Variants in RBFOX3 observed in about 807,000 individuals in gnomAD.
The protein encoded by RBFOX3 is RNA binding fox-1 homolog 3, also known as RNA binding protein fox-1 homolog 3.
In RBFOX3, 17 loss-of-function variants were observed where a neutral mutation model predicts 48.7. The ratio of observed to expected loss-of-function variants is 0.35; its 90% CI spans 0.24 to 0.52. The LOEUF (loss-of-function observed/expected upper bound fraction) is 0.52, where lower values mean the gene tolerates loss of function less well. Among genes scored for constraint, RBFOX3 ranks in the 20% least tolerant of loss-of-function variants. RBFOX3 has a pLI of 0.94. For missense variants in RBFOX3, 382 were observed against 497.5 expected (o/e 0.77, Z 2.21); for synonymous variants, 212 against 209.5 (o/e 1.01, Z -0.10).
At chr17:79,353,122 T>C (rs1352435228) in intron 2 of RBFOX3, among the ~76,000 whole-genome samples, 2 of 152,248 alleles carry the variant, frequency 1.3e-5, no homozygotes, top group Non-Finnish European at 2.9e-5. Context: ...ACTATGAGCC[T>C]GCGTTGGCCT....
the RBFOX3 span, among the ~76,000 whole-genome samples, chr17:79,637,266 G>A: frequency 7.2e-5 from 11 of 151,988 alleles, no homozygotes; most frequent in African/African-American, 2.7e-4. Flanking sequence ...AATCAATAAG[G>A]AAACAGCAAA....
intron 1 of RBFOX3, among the ~76,000 whole-genome samples, chr17:79,541,389 C>T (rs2150172692): frequency 6.6e-6 from 1 of 152,258 alleles, no homozygotes; most frequent in South Asian, 2.1e-4. Context: ...GGAAGAGGAG[C>T]TGAAGGACAA....
intron 1 of RBFOX3, among the ~76,000 whole-genome samples, chr17:79,593,073 G>A (rs913607901): frequency 2.4e-4 from 36 of 152,236 alleles, no homozygotes; most frequent in East Asian, 2.1e-3. Context: ...TGCCACTCTC[G>A]GGGGACAGAA....
chr17:79,108,590 G>C (rs1409164921), intron 5 of RBFOX3, among the ~76,000 whole-genome samples: 1 of 152,236 alleles, frequency 6.6e-6, no homozygotes, highest in Non-Finnish European at 1.5e-5. Flanking sequence ...TCACACTACA[G>C]CTAAGTGGCC....
intron 2 of RBFOX3, among the ~76,000 whole-genome samples, chr17:79,346,929 C>T (rs967515565): frequency 1.3e-5 from 2 of 152,180 alleles, no homozygotes; most frequent in Non-Finnish European, 2.9e-5. Flanking sequence ...TTGCTATACT[C>T]TCCAGTTTCT....
At chr17:79,564,176 C>T (rs2092366159) in intron 1 of RBFOX3, among the ~76,000 whole-genome samples, 1 of 152,220 alleles carries the variant, frequency 6.6e-6, no homozygotes, top group South Asian at 2.1e-4. Context: ...TCCTGCTCTC[C>T]CCGAAGCCCA....
chr17:79,379,697 C>T (rs1568144170), intron 2 of RBFOX3, among the ~76,000 whole-genome samples: 1 of 152,174 alleles, frequency 6.6e-6, no homozygotes, highest in Non-Finnish European at 1.5e-5. Flanking sequence ...ACAGCTCAGC[C>T]CCCGCAAATC....
chr17:79,172,416 G>A (rs1423822223), intron 4 of RBFOX3, among the ~76,000 whole-genome samples: 1 of 152,188 alleles, frequency 6.6e-6, no homozygotes, highest in Non-Finnish European at 1.5e-5. Flanking sequence ...GAGCTGGGAG[G>A]GGACCGGTCT....
At chr17:79,232,030 G>T (rs535636031) in intron 4 of RBFOX3, among the ~76,000 whole-genome samples, 1 of 152,208 alleles carries the variant, frequency 6.6e-6, no homozygotes, top group Non-Finnish European at 1.5e-5. Flanking sequence ...CAGAATGAGC[G>T]CAAGCAGGGA....
At chr17:79,179,292 A>C (rs1241296511) in intron 4 of RBFOX3, among the ~76,000 whole-genome samples, 2 of 152,206 alleles carry the variant, frequency 1.3e-5, no homozygotes, top group African/African-American at 4.8e-5. Flanking sequence ...CCACAACCAG[A>C]GGGAACGTGC....
chr17:79,583,883 T>C (rs998438340), intron 1 of RBFOX3, among the ~76,000 whole-genome samples: 5,505 of 152,038 alleles, frequency 0.036, 179 homozygotes, highest in East Asian at 0.17. Context: ...GTGAACAGAA[T>C]GAGGGCTTTA....
chr17:79,349,397 C>T (rs1179648185), intron 2 of RBFOX3, among the ~76,000 whole-genome samples: 1 of 152,036 alleles, frequency 6.6e-6, no homozygotes, highest in Non-Finnish European at 1.5e-5. Context: ...GGGGCCACTG[C>T]TATTGCTCCT....
rs141212862 is a variant in RBFOX3 at position 79,115,427 on chromosome 17, C to T, written c.222+67G>A. 3.9e-4 allele frequency: 417 copies of T among 1,069,642 alleles called. 4 individuals carry two copies. In the East Asian group the frequency reaches 0.012, roughly 32 times the overall value. 66.3% of individuals were successfully genotyped at this position (1,069,642 alleles called of 1,614,324 possible). On this transcript the variant is annotated intron_variant, in intron 5 of 14. Transcript: ENST00000693108. Reference sequence around the variant, plus strand: ...TACACCTCATGCCCTTCTGGGCCACCCTTCTTCTGGGTGGGTGCTCCTCCC... The same window carrying T: ...TACACCTCATGCCCTTCTGGGCCACTCTTCTTCTGGGTGGGTGCTCCTCCC...
chr17:79,123,748 A>G (rs899950543), intron 4 of RBFOX3, among the ~76,000 whole-genome samples: 1 of 152,104 alleles, frequency 6.6e-6, no homozygotes, highest in Non-Finnish European at 1.5e-5. Context: ...AGCCATTCCT[A>G]TCGCACCTGG....
chr17:79,299,911 T>TTTTTG lies in RBFOX3; in HGVS notation c.-74+7812_-74+7813insCAAAA, dbSNP rs1403435575. Among the ~76,000 whole-genome samples the TTTTTG allele has an allele frequency of 1.2e-4, 18 of 151,872 alleles. No homozygotes were observed. Among genetic ancestry groups the TTTTTG allele is most frequent in the African/African-American group, 4.1e-4 (17 of 41,508 alleles). On this transcript the variant is annotated intron_variant, in intron 3 of 14. Coordinates refer to ENST00000693108, the MANE Select transcript of RBFOX3 (RefSeq NM_001350451.2). The surrounding 1 kb of genome is among the most constrained non-coding windows in gnomAD (Gnocchi z 4.5). The stretch of plus-strand genomic sequence containing the variant: ...CCAAAGGAATCTGCCGACACTCTTT[T>TTTTTG]TTTTTTTTTTTGAGACAGTGTCTCG...
chr17:79,090,517 G>T lies in RBFOX3; in HGVS notation c.*366C>A. ...CTCCACACTGTCTGTCTTGGGAGTT[G>T]GGGGCTGGGAAAGGAAGACTGGATG... On this transcript the variant is annotated 3_prime_UTR_variant, in exon 15 of 15. Coordinates refer to ENST00000693108, the MANE Select transcript of RBFOX3 (RefSeq NM_001350451.2). 1 of 272,366 alleles carries T rather than the reference G, an allele frequency of 3.7e-6. No homozygotes were observed. The allele number at this position is 272,366 out of a possible 1,614,324, so 16.9% of individuals were successfully genotyped here.
intron 2 of RBFOX3, among the ~76,000 whole-genome samples, chr17:79,340,962 T>C (rs113855055): frequency 6.6e-5 from 10 of 152,296 alleles, no homozygotes; most frequent in African/African-American, 2.2e-4. Flanking sequence ...GTCTAAGCAA[T>C]GGAGAAACAG....
intron 1 of RBFOX3, among the ~76,000 whole-genome samples, chr17:79,588,951 C>G (rs1178894192): frequency 2.6e-5 from 4 of 151,420 alleles, no homozygotes; most frequent in Admixed American, 2.0e-4. Context: ...TAGTGAGACC[C>G]CATCCTGAGC....
intron 4 of RBFOX3, among the ~76,000 whole-genome samples, chr17:79,226,714 C>A (rs147132110): frequency 6.6e-5 from 10 of 152,338 alleles, no homozygotes; most frequent in Admixed American, 5.9e-4. Context: ...ATGGCAACAT[C>A]TACCTTCCTG....
Sources: gnomAD v4.1 joint callset for allele counts (sites outside exome capture counted in the v4.1 genomes callset) on GRCh38, gnomAD v4.1.1 for gene constraint, Gnocchi (gnomAD v3.1) non-coding constraint, MANE v1.5 for transcripts, NCBI Gene and HGNC (gene_info 2026-07-23, HGNC 2026-07-21) for gene names.